The following AGBL4 variants were observed in gnomAD, a reference collection of about 807,000 sequenced individuals.
The protein encoded by AGBL4 is AGBL carboxypeptidase 4.
In AGBL4, 58 loss-of-function variants were observed where a neutral mutation model predicts 66.4. The ratio of observed to expected loss-of-function variants is 0.87; its 90% CI spans 0.71 to 1.09. The LOEUF (loss-of-function observed/expected upper bound fraction) is 1.09. Among genes scored for constraint, AGBL4 ranks in the 50% least tolerant of loss-of-function variants. AGBL4 has a pLI of 0.00. For synonymous variants in AGBL4, 234 were observed against 222.9 expected (o/e 1.05, Z -0.44); for missense variants, 579 against 631.0 (o/e 0.92, Z 0.88).
intron 5 of AGBL4, among the ~76,000 whole-genome samples, chr1:48,956,047 G>T (rs1180892436): frequency 6.6e-6 from 1 of 152,226 alleles, no homozygotes; most frequent in Non-Finnish European, 1.5e-5. Flanking sequence ...GAGCAAAAAA[G>T]GCTTGCCTTG....
In AGBL4 at chr1:49,820,141, A is replaced by G. The variant is rs550399798; in HGVS notation, c.157+31255T>C. The stretch of plus-strand genomic sequence containing the variant: ...AGACATTTAAAAATCAGAATGTTTT[A>G]TCTCCTAGCGTAAGCATCACATACA... On this transcript the variant is annotated intron_variant, in intron 2 of 13. Transcript: ENST00000371839. 2.2e-4 allele frequency among the ~76,000 whole-genome samples: 33 copies of G among 152,312 alleles called. No homozygotes were observed. In the South Asian group the frequency reaches 3.5e-3, roughly 16 times the overall value.
At chr1:49,597,113 G>A (rs529780494) in intron 3 of AGBL4, among the ~76,000 whole-genome samples, 3 of 152,196 alleles carry the variant, frequency 2.0e-5, no homozygotes, top group Admixed American at 6.5e-5. Context: ...GAGCCAAGAT[G>A]TGCACGCCAC....
intron 6 of AGBL4, among the ~76,000 whole-genome samples, chr1:48,833,406 G>A (rs1646600947): frequency 6.6e-6 from 1 of 152,140 alleles, no homozygotes; most frequent in African/African-American, 2.4e-5. Flanking sequence ...TTAGCTGAAG[G>A]GATTTCTAAG....
chr1:49,393,360 G>C (rs760647873), intron 3 of AGBL4, among the ~76,000 whole-genome samples: 32 of 152,140 alleles, frequency 2.1e-4, no homozygotes, highest in Admixed American at 7.2e-4. Flanking sequence ...GGTCTGGAGA[G>C]GCTGGAAGAT....
chr1:48,845,356 C>T (rs1479207754), intron 6 of AGBL4, among the ~76,000 whole-genome samples: 1 of 152,154 alleles, frequency 6.6e-6, no homozygotes, highest in Non-Finnish European at 1.5e-5. Flanking sequence ...TCTGAACAAA[C>T]ATGAATAGCA....
chr1:49,961,044 T>C (rs192385267), intron 1 of AGBL4, among the ~76,000 whole-genome samples: 4 of 152,200 alleles, frequency 2.6e-5, no homozygotes, highest in African/African-American at 9.6e-5. Context: ...TGTGCCATGC[T>C]GAGGAAGATG....
At chr1:49,839,661 G>T (rs191910598) in intron 2 of AGBL4, among the ~76,000 whole-genome samples, 13 of 152,274 alleles carry the variant, frequency 8.5e-5, no homozygotes, top group African/African-American at 2.9e-4. Flanking sequence ...GAGAGAGGTG[G>T]AGTAGTTAGA....
chr1:49,776,926 T>C (rs1325888987), intron 2 of AGBL4, among the ~76,000 whole-genome samples: 1 of 152,156 alleles, frequency 6.6e-6, no homozygotes, highest in Admixed American at 6.5e-5. Flanking sequence ...GCACAGAATA[T>C]GAGTTCACAA....
chr1:49,385,415 G>T (rs1172602220), intron 3 of AGBL4, among the ~76,000 whole-genome samples: 2 of 151,758 alleles, frequency 1.3e-5, no homozygotes, highest in African/African-American at 4.8e-5. Flanking sequence ...ATGTATCTAG[G>T]ATGGTGAGAT....
At chr1:48,926,306 G>A (rs10888635) in intron 5 of AGBL4, among the ~76,000 whole-genome samples, 11,947 of 146,888 alleles carry the variant, frequency 0.081, 629 homozygotes, top group East Asian at 0.16. Flanking sequence ...TGGAGGCAGA[G>A]TCTCACTCTG....
chr1:49,227,399 G>T (rs1649995599), intron 4 of AGBL4, among the ~76,000 whole-genome samples: 1 of 151,934 alleles, frequency 6.6e-6, no homozygotes, highest in African/African-American at 2.4e-5. Context: ...TTTTCACCTG[G>T]ATTACAACGA....
At chr1:49,997,830 A>G (rs1660474713) in intron 1 of AGBL4, among the ~76,000 whole-genome samples, 1 of 152,206 alleles carries the variant, frequency 6.6e-6, no homozygotes, top group African/African-American at 2.4e-5. Context: ...CAGTAAATTT[A>G]AGAAAATCAA....
At chr1:49,100,010 C>T (rs1356349933) in intron 4 of AGBL4, among the ~76,000 whole-genome samples, 1 of 152,120 alleles carries the variant, frequency 6.6e-6, no homozygotes, top group Admixed American at 6.5e-5. Context: ...AAGGTCAGTA[C>T]TAACAGTGTT....
intron 3 of AGBL4, among the ~76,000 whole-genome samples, chr1:49,268,442 AC>A (rs1643977747): frequency 1.3e-5 from 2 of 149,260 alleles, no homozygotes; most frequent in East Asian, 2.0e-4. Context: ...ACACACACAC[AC>A]ACACACAAAT....
chr1:49,369,925 A>G (rs2148550543), intron 3 of AGBL4, among the ~76,000 whole-genome samples: 1 of 151,798 alleles, frequency 6.6e-6, no homozygotes, highest in East Asian at 1.9e-4. Flanking sequence ...GACATACCCA[A>G]TCAGTCAAAG....
intron 4 of AGBL4, among the ~76,000 whole-genome samples, chr1:49,075,904 C>A (rs1046493179): frequency 1.3e-5 from 2 of 152,114 alleles, no homozygotes; most frequent in South Asian, 4.1e-4. Context: ...ATCTTATATG[C>A]TCTTTTGAAA....
At chr1:49,306,597 T>G (rs543715404) in intron 3 of AGBL4, among the ~76,000 whole-genome samples, 1 of 152,304 alleles carries the variant, frequency 6.6e-6, no homozygotes, top group African/African-American at 2.4e-5. Flanking sequence ...CTTTAATACC[T>G]AGGGACTGAA....
At chr1:48,860,710 TC>T in intron 6 of AGBL4, among the ~76,000 whole-genome samples, 1 of 152,150 alleles carries the variant, frequency 6.6e-6, no homozygotes, top group East Asian at 1.9e-4. Flanking sequence ...TGCAATATAC[TC>T]AATATTCCCC....
At chr1:48,564,422 A>T (rs1418232473) in intron 11 of AGBL4, among the ~76,000 whole-genome samples, 1 of 151,176 alleles carries the variant, frequency 6.6e-6, no homozygotes, top group Non-Finnish European at 1.5e-5. Context: ...TGACGGCCCC[A>T]CCACACTAGA....
Sources: gnomAD v4.1 joint callset for allele counts (sites outside exome capture counted in the v4.1 genomes callset) on GRCh38, gnomAD v4.1.1 for gene constraint, MANE v1.5 for transcripts, NCBI Gene and HGNC (gene_info 2026-07-23, HGNC 2026-07-21) for gene names.